Variants in IPO7 observed in about 807,000 individuals in gnomAD.
IPO7 encodes importin 7, also known as importin-7.
IPO7 carries 13 observed loss-of-function variants against 136.4 expected under a neutral mutation model. That is an observed-to-expected ratio of 0.10 (90% CI 0.06 to 0.15). The LOEUF is 0.15. IPO7 is among the 10% of genes least tolerant of loss of function. The pLI, the probability that IPO7 is intolerant of heterozygous loss-of-function variation, is 1.00. For synonymous variants in IPO7, 403 were observed against 404.4 expected (o/e 1.00, Z 0.04); for missense variants, 857 against 1,240.6 (o/e 0.69, Z 4.65).
At chr11:9,428,138 AAG>A (rs1207589209) in intron 12 of IPO7, among the ~76,000 whole-genome samples, 65 of 152,168 alleles carry the variant, frequency 4.3e-4, no homozygotes, top group African/African-American at 1.5e-3. Context: ...AGAAAAAAAA[AAG>A]AGTGTGCCTT....
At chr11:9,432,700 A>G (rs1479013942) in intron 16 of IPO7, among the ~76,000 whole-genome samples, 1 of 152,020 alleles carries the variant, frequency 6.6e-6, no homozygotes, top group Non-Finnish European at 1.5e-5. Flanking sequence ...CCTCCCCTTA[A>G]CATTCTTATG....
At chr11:9,430,836 C>T (rs754328830) in intron 15 of IPO7, 39 bp from the exon 16 acceptor site, 11 of 1,590,356 alleles carry the variant, frequency 6.9e-6, no homozygotes, top group African/African-American at 1.3e-5. Context: ...ATTTATAATG[C>T]TTCAGTGACA....
intron 1 of IPO7, among the ~76,000 whole-genome samples, chr11:9,389,882 G>A (rs375593169): frequency 3.3e-5 from 5 of 151,642 alleles, no homozygotes; most frequent in East Asian, 3.9e-4. Flanking sequence ...TCAGCCTCCC[G>A]AGTAGCTGGG....
At chr11:9,402,067 G>C (rs188998485) in intron 1 of IPO7, among the ~76,000 whole-genome samples, 1 of 152,056 alleles carries the variant, frequency 6.6e-6, no homozygotes, top group Non-Finnish European at 1.5e-5. Flanking sequence ...TGTCACAGAG[G>C]GTATTGTTTT....
intron 2 of IPO7, among the ~76,000 whole-genome samples, chr11:9,405,265 C>G (rs914560072): frequency 1.3e-5 from 2 of 152,096 alleles, no homozygotes; most frequent in African/African-American, 4.8e-5. Context: ...AGCTCCGCCT[C>G]CCAGGTTCAC....
intron 21 of IPO7, 26 bp from the exon 22 acceptor site, chr11:9,438,054 T>TTG (rs1855406515): frequency 2.1e-6 from 1 of 479,710 alleles, no homozygotes; most frequent in South Asian, 3.7e-5. Context: ...AGTTTTTTTT[T>TTG]TTTTTTTTTT....
At chr11:9,386,901 C>A (rs1291504605) in intron 1 of IPO7, among the ~76,000 whole-genome samples, 3 of 152,170 alleles carry the variant, frequency 2.0e-5, no homozygotes, top group Non-Finnish European at 4.4e-5. Context: ...TCATACATTT[C>A]TTTCAATTAT....
At chr11:9,414,944 A>C (rs1855020217) in intron 5 of IPO7, among the ~76,000 whole-genome samples, 1 of 152,034 alleles carries the variant, frequency 6.6e-6, no homozygotes, top group Non-Finnish European at 1.5e-5. Context: ...ATTAAATTGC[A>C]AATGGGCAAT....
chr11:9,430,183 C>A (rs1388157504), intron 15 of IPO7, among the ~76,000 whole-genome samples: 1 of 152,150 alleles, frequency 6.6e-6, no homozygotes, highest in Admixed American at 6.6e-5. Context: ...GGACCGGTAC[C>A]AGTCCACTGC....
At chr11:9,397,341 A>AAAAAAAAATATATAT in intron 1 of IPO7, among the ~76,000 whole-genome samples, 122 of 10,752 alleles carry the variant, frequency 0.011, 8 homozygotes, top group South Asian at 0.026. Flanking sequence ...TTTAAAAAAA[A>AAAAAAAAATATATAT]ATATATATAT....
intron 6 of IPO7, among the ~76,000 whole-genome samples, chr11:9,418,063 G>A (rs1195962695): frequency 6.7e-6 from 1 of 149,576 alleles, no homozygotes; most frequent in Non-Finnish European, 1.5e-5. Flanking sequence ...TACTGAATAC[G>A]CTGTTTTGTT....
chr11:9,395,869 A>T (rs958727212), intron 1 of IPO7, among the ~76,000 whole-genome samples: 10 of 150,744 alleles, frequency 6.6e-5, no homozygotes, highest in Non-Finnish European at 1.3e-4. Context: ...GGCAGCCGCC[A>T]CCACGTCTGG....
intron 1 of IPO7, among the ~76,000 whole-genome samples, chr11:9,397,837 C>T (rs1854738106): frequency 6.6e-6 from 1 of 151,930 alleles, no homozygotes. Context: ...AAGATATTTT[C>T]TGTGTTGTTT....
At chr11:9,400,862 G>T (rs1369845151) in intron 1 of IPO7, among the ~76,000 whole-genome samples, 1 of 152,098 alleles carries the variant, frequency 6.6e-6, no homozygotes, top group Non-Finnish European at 1.5e-5. Context: ...GAATGTGTTT[G>T]CAGAGTGGGG....
chr11:9,416,902 T>A (rs184510882), intron 5 of IPO7, among the ~76,000 whole-genome samples, 157 bp from the exon 6 acceptor site: 153 of 152,340 alleles, frequency 1.0e-3, no homozygotes, highest in African/African-American at 3.5e-3. Flanking sequence ...ACTCACTGTT[T>A]ACCATTATAG....
rs1382279145 is a variant in IPO7, at chr11:9,447,646, T to A, written c.*2452T>A. On this transcript the variant is annotated 3_prime_UTR_variant, in exon 25 of 25. Transcript: ENST00000379719. ...TTCCTACAGTTTTATTACCCTGTAA[T>A]TTTTTTTTAGTTGTAGAAGTTAATT... 1 of 151,614 alleles carries A rather than the reference T, an allele frequency of 6.6e-6. No individual in the cohort carries two copies. Among genetic ancestry groups the A allele is most frequent in the Non-Finnish European group, 1.5e-5 (1 of 67,838 alleles). 9.4% of individuals were successfully genotyped at this position (151,614 alleles called of 1,614,324 possible).
chr11:9,446,586 G>T lies in IPO7; in HGVS notation c.*1392G>T, dbSNP rs536091947. On this transcript the variant is annotated 3_prime_UTR_variant, in exon 25 of 25. Coordinates refer to ENST00000379719, the MANE Select transcript of IPO7 (RefSeq NM_006391.3). ...ACATCGGTCAGATGAGTCATACATTGGGTTATTTTTTATATACATGTATAC... is the reference window on the plus strand; with the variant it reads ...ACATCGGTCAGATGAGTCATACATTTGGTTATTTTTTATATACATGTATAC... 1 of 152,192 alleles carries T rather than the reference G, an allele frequency of 6.6e-6. No homozygotes were observed. Among genetic ancestry groups the T allele is most frequent in the South Asian group, 2.1e-4 (1 of 4,818 alleles). 9.4% of individuals were successfully genotyped at this position (152,192 alleles called of 1,614,324 possible).
intron 16 of IPO7, 75 bp downstream of exon 16, chr11:9,431,078 A>G: frequency 1.7e-6 from 2 of 1,189,752 alleles, no homozygotes; most frequent in East Asian, 2.4e-5. Context: ...TCTCTCTGGC[A>G]TCTCATGTAC....
At chr11:9,408,762 A>C (rs1377106600) in intron 3 of IPO7, 123 bp downstream of exon 3, 7 of 577,924 alleles carry the variant, frequency 1.2e-5, no homozygotes, top group Middle Eastern at 5.3e-4. Context: ...GCCAGGCTGG[A>C]GTGCAGTGGC....
Sources: gnomAD v4.1 joint callset for allele counts (sites outside exome capture counted in the v4.1 genomes callset) on GRCh38, gnomAD v4.1.1 for gene constraint, MANE v1.5 for transcripts, NCBI Gene and HGNC (gene_info 2026-07-23, HGNC 2026-07-21) for gene names.